Variants in MPDZ observed in about 807,000 individuals in gnomAD.
MPDZ encodes the protein multiple PDZ domain protein.
In MPDZ, 234 loss-of-function variants were observed where a neutral mutation model predicts 239.1. The observed-to-expected ratio is 0.98, with a 90% CI of 0.88 to 1.09. MPDZ has a LOEUF of 1.09. MPDZ is among the 50% of genes least tolerant of loss of function. MPDZ has a pLI of 0.00. For synonymous variants in MPDZ, 1,048 were observed against 881.3 expected (o/e 1.19, Z -3.35); for missense variants, 3,175 against 2,510.0 (o/e 1.26, Z -5.66).
chr9:13,223,677 G>A lies in MPDZ; in HGVS notation c.427C>T (p.Pro143Ser). The A allele has an allele frequency of 6.2e-7, 1 of 1,610,086 alleles. No individual in the cohort carries two copies. Among genetic ancestry groups the A allele is most frequent in the Non-Finnish European group, 8.5e-7 (1 of 1,177,986 alleles). ...RHVEVFELLK[P>S]PSGGLGFSVV... ...CTAAACCCAAGGCCTCCAGATGGAG[G>A]TTTGAGGAGCTCAAAAACTTCTACA... The change falls in exon 5 of 47, where the codon CCT (proline) becomes TCT (serine). Residue 143 changes from proline (P) to serine (S), a missense_variant. By Grantham distance (74) the Pro-to-Ser change is moderately conservative (BLOSUM62 -1). Coordinates refer to ENST00000319217, the MANE Select transcript of MPDZ (RefSeq NM_001378778.1).
At chr9:13,225,264 G>A (rs1960189402) in intron 3 of MPDZ, among the ~76,000 whole-genome samples, 1 of 151,940 alleles carries the variant, frequency 6.6e-6, no homozygotes, top group Admixed American at 6.6e-5. Context: ...TATTATTGAA[G>A]GAAGTTTTTG....
intron 12 of MPDZ, among the ~76,000 whole-genome samples, chr9:13,198,735 CTCTGTGTGTGTG>C (rs1444025657): frequency 0.066 from 1,128 of 17,126 alleles, 30 homozygotes; most frequent in East Asian, 0.18. Context: ...TAATCTCTCT[CTCTGTGTGTGTG>C]TGTGTGTGTG....
chr9:13,191,152 T>C (rs1016262133), intron 15 of MPDZ, among the ~76,000 whole-genome samples: 2 of 152,150 alleles, frequency 1.3e-5, no homozygotes, highest in Non-Finnish European at 2.9e-5. Context: ...AATCCCATTA[T>C]ACACATAAAA....
At chr9:13,138,401 T>C (rs1307122089) in intron 28 of MPDZ, among the ~76,000 whole-genome samples, 1 of 152,172 alleles carries the variant, frequency 6.6e-6, no homozygotes, top group Non-Finnish European at 1.5e-5. Flanking sequence ...CAGTTCACCT[T>C]GGAGTGGTTA....
In MPDZ at chr9:13,109,992, T is replaced by C; in HGVS notation, c.5902A>G (p.Thr1968Ala). 6.2e-7 allele frequency: 1 copy of C among 1,613,322 alleles called. No individual in the cohort carries two copies. The change falls in exon 45 of 47, where the codon ACT becomes GCT. Residue 1968 changes from threonine to alanine, a missense_variant. Thr to Ala is a moderately conservative substitution (Grantham distance 58). Transcript: ENST00000319217. ...QEPASSSLSF[T>A]GLTSSSIFQD... ...AATATACTGCTTGACGTCAGCCCAG[T>C]GAAAGAAAGACTGGAACTTGCAGGC...
intron 12 of MPDZ, among the ~76,000 whole-genome samples, chr9:13,196,690 G>A (rs1955696086): frequency 6.6e-6 from 1 of 151,846 alleles, no homozygotes; most frequent in Non-Finnish European, 1.5e-5. Flanking sequence ...CTCCATATAT[G>A]AGAAAATATA....
chr9:13,121,986 A>C (rs1156726219), intron 37 of MPDZ, 54 bp from the exon 38 acceptor site: 1 of 1,595,456 alleles, frequency 6.3e-7, no homozygotes, highest in African/African-American at 1.3e-5. Context: ...AAGGAGAGTT[A>C]GGTGGGGAAG....
intron 3 of MPDZ, among the ~76,000 whole-genome samples, chr9:13,237,080 C>T (rs1381039299): frequency 1.3e-5 from 2 of 152,168 alleles, no homozygotes; most frequent in Non-Finnish European, 2.9e-5. Context: ...ATTCTTGATA[C>T]AGTAAAACTT....
At chr9:13,231,274 T>C (rs1962357265) in intron 3 of MPDZ, among the ~76,000 whole-genome samples, 1 of 152,036 alleles carries the variant, frequency 6.6e-6, no homozygotes, top group Non-Finnish European at 1.5e-5. Flanking sequence ...TATCAAAATA[T>C]CAATAGTTTG....
intron 25 of MPDZ, 46 bp from the exon 26 acceptor site, chr9:13,147,704 A>C: frequency 2.7e-6 from 4 of 1,461,078 alleles, no homozygotes; most frequent in Non-Finnish European, 3.8e-6. Flanking sequence ...TCTATAGAAC[A>C]ACAAAAAAAT....
chr9:13,241,922 A>T (rs1314146866), intron 3 of MPDZ, among the ~76,000 whole-genome samples: 2 of 152,154 alleles, frequency 1.3e-5, no homozygotes, highest in African/African-American at 2.4e-5. Context: ...AGATATTTGA[A>T]GCTGAACCTC....
chr9:13,276,706 T>G (rs1974283586), intron 1 of MPDZ: 1 of 152,164 alleles, frequency 6.6e-6, no homozygotes. Context: ...CTCAAAATAT[T>G]TCATGAAATT....
In MPDZ at chr9:13,247,686, G is replaced by A. The variant is rs751540272; in HGVS notation, c.132C>T (p.Leu44=). Residue 44 remains leucine (L), a synonymous_variant, in exon 3 of 47, where the codon CTC becomes CTT. Coordinates refer to ENST00000319217, the MANE Select transcript of MPDZ (RefSeq NM_001378778.1). Reference sequence around the variant, plus strand: ...TCTGAAGGCTCAGAATCTGACTGAAGAGAGGGCTCTGCAGGACTGACTTCA... The same window carrying A: ...TCTGAAGGCTCAGAATCTGACTGAAAAGAGGGCTCTGCAGGACTGACTTCA... ...SLLKSVLQSP[L]FSQILSLQTS... The A allele has an allele frequency of 2.5e-6, 4 of 1,613,580 alleles. No individual in the cohort carries two copies.
chr9:13,135,753 C>G (rs1946645070), intron 31 of MPDZ: 1 of 169,158 alleles, frequency 5.9e-6, no homozygotes, highest in Middle Eastern at 2.6e-3. Flanking sequence ...ACTCCATGCC[C>G]TCCGCTTGCA....
chr9:13,188,783 C>T lies in MPDZ; in HGVS notation c.2364+1G>A, dbSNP rs767669471. 1.4e-5 allele frequency: 22 copies of T among 1,607,466 alleles called. No homozygotes were observed. The highest frequency in any genetic ancestry group is 1.1e-4 in the African/African-American group (8 of 74,628). ...GGAAGCAATAAAGTCTGAATTCTTA[C>T]GGGTAAAGGCTTAGCAACTCCTATT... On this transcript the variant is annotated splice_donor_variant, in intron 17 of 46. Transcript: ENST00000319217. LOFTEE classifies it high-confidence loss of function.
intron 18 of MPDZ, 79 bp downstream of exon 18, chr9:13,186,191 C>A: frequency 1.5e-6 from 1 of 686,504 alleles, no homozygotes; most frequent in Non-Finnish European, 2.2e-6. Flanking sequence ...ATATAATAGA[C>A]TTCTTCAGAA....
chr9:13,274,238 A>G (rs1973658474), intron 1 of MPDZ, among the ~76,000 whole-genome samples: 2 of 151,406 alleles, frequency 1.3e-5, no homozygotes, highest in African/African-American at 4.9e-5. Context: ...ATAAGCAACA[A>G]CATTAAGTTT....
chr9:13,164,695 T>C (rs1322637693), intron 22 of MPDZ, among the ~76,000 whole-genome samples: 1 of 152,136 alleles, frequency 6.6e-6, no homozygotes, highest in African/African-American at 2.4e-5. Context: ...GTGAGGAGTG[T>C]AGGCATTTAC....
At chr9:13,142,568 C>T (rs1181087955) in intron 27 of MPDZ, among the ~76,000 whole-genome samples, 3 of 152,166 alleles carry the variant, frequency 2.0e-5, no homozygotes, top group Admixed American at 6.6e-5. Flanking sequence ...ACATCAAGTA[C>T]AGCACACACA....
Sources: gnomAD v4.1 joint callset for allele counts (sites outside exome capture counted in the v4.1 genomes callset) on GRCh38, gnomAD v4.1.1 for gene constraint, MANE v1.5 for transcripts, NCBI Gene and HGNC (gene_info 2026-07-23, HGNC 2026-07-21) for gene names.